The following TDRP variants were observed in gnomAD, a reference collection of about 807,000 sequenced individuals.
The protein encoded by TDRP is testis development-related protein.
Under a neutral mutation model 10.5 loss-of-function variants are expected in TDRP, and 12 were observed. That is an observed-to-expected ratio of 1.15 (90% CI 0.73 to 1.86). TDRP has a LOEUF of 1.86. Among genes scored for constraint, TDRP ranks in the 40% most tolerant of loss-of-function variants. The pLI is 0.00. For synonymous variants in TDRP, 139 were observed against 95.4 expected (o/e 1.46, Z -2.67); for missense variants, 353 against 229.2 (o/e 1.54, Z -3.49).
Position 492,480 on chromosome 8 carries a change from G to C in TDRP, c.477C>G (p.Ser159Arg). The C allele has an allele frequency of 1.9e-6, 3 of 1,608,966 alleles. No homozygotes were observed. The highest frequency in any genetic ancestry group is 2.5e-6 in the Non-Finnish European group (3 of 1,176,520). Residue 159 changes from serine (S) to arginine (R), a missense_variant, in exon 3 of 3, where the codon AGC becomes AGG. Transcript: ENST00000324079. Reference sequence around the variant, plus strand: ...TCACCAGCCTCCCTGCCGCGCGCAGGCTCCACCTGGAGCTGTTGGCAGAGC... The same window carrying C: ...TCACCAGCCTCCCTGCCGCGCGCAGCCTCCACCTGGAGCTGTTGGCAGAGC... ...LASSANSSRWSLRAAGRLVSI... is the reference protein window; with the variant it reads ...LASSANSSRWRLRAAGRLVSI...
intron 1 of TDRP, among the ~76,000 whole-genome samples, chr8:530,765 A>C (rs1022849953): frequency 1.1e-4 from 17 of 152,124 alleles, no homozygotes; most frequent in Admixed American, 4.6e-4. Flanking sequence ...CAGCGCTCTG[A>C]GTCAGGCAAA....
chr8:542,614 C>T (rs898701734), intron 1 of TDRP, among the ~76,000 whole-genome samples: 1 of 151,366 alleles, frequency 6.6e-6, no homozygotes, highest in African/African-American at 2.4e-5. Context: ...CCTGTAATCC[C>T]AGCACTTCAG....
chr8:514,697 A>G (rs1295755177), intron 1 of TDRP, among the ~76,000 whole-genome samples: 1 of 152,178 alleles, frequency 6.6e-6, no homozygotes, highest in African/African-American at 2.4e-5. Flanking sequence ...TCAGTGCCTC[A>G]GTGGGGATGC....
chr8:511,342 G>C (rs1024410925), intron 1 of TDRP, among the ~76,000 whole-genome samples: 3 of 152,106 alleles, frequency 2.0e-5, no homozygotes, highest in Admixed American at 2.0e-4. Flanking sequence ...GTAAACAAAA[G>C]AGAGTTTAAA....
chr8:531,780 A>G (rs1397258373), intron 1 of TDRP, among the ~76,000 whole-genome samples: 1 of 152,240 alleles, frequency 6.6e-6, no homozygotes. Flanking sequence ...CAAGCTTAGT[A>G]TTAACCACAG....
chr8:489,949 C>G lies in TDRP; in HGVS notation c.*2450G>C, dbSNP rs543773534. 14 of 152,276 alleles carry G rather than the reference C, an allele frequency of 9.2e-5. No homozygotes were observed. In the South Asian group the frequency reaches 2.9e-3, roughly 32 times the overall value. The allele number at this position is 152,276 out of a possible 1,614,324, so 9.4% of individuals were successfully genotyped here. ...ATCATGCAAACCAATAAGGAAAGAG[C>G]TTAAAAACAGTATTTTTATTTTTAA... On this transcript the variant is annotated 3_prime_UTR_variant, in exon 3 of 3. Transcript: ENST00000324079.
Position 492,184 on chromosome 8 carries a change from T to C in TDRP, c.*215A>G. The C allele has an allele frequency of 7.9e-7, 1 of 1,261,586 alleles. No homozygotes were observed. The highest frequency in any genetic ancestry group is 9.9e-7 in the Non-Finnish European group (1 of 1,006,492). 78.1% of individuals were successfully genotyped at this position (1,261,586 alleles called of 1,614,324 possible). ...ACATGGACTGATAGGTGAATATTTC[T>C]GCAATAAGGCAATCAAATGTACAAT... On this transcript the variant is annotated 3_prime_UTR_variant, in exon 3 of 3. Transcript: ENST00000324079.
chr8:521,020 A>T (rs990977899), intron 1 of TDRP, among the ~76,000 whole-genome samples: 2 of 152,040 alleles, frequency 1.3e-5, no homozygotes, highest in Non-Finnish European at 2.9e-5. Context: ...CAATGCCCTG[A>T]ACCTTTTCTC....
chr8:540,863 CGG>C (rs1162020930), intron 1 of TDRP, among the ~76,000 whole-genome samples: 1 of 145,756 alleles, frequency 6.9e-6, no homozygotes, highest in Non-Finnish European at 1.5e-5. Context: ...GGCAACAGGA[CGG>C]ATATGATTGC....
intron 1 of TDRP, among the ~76,000 whole-genome samples, chr8:536,588 G>A (rs1802353143): frequency 1.3e-5 from 2 of 152,180 alleles, no homozygotes; most frequent in Admixed American, 1.3e-4. Context: ...GCTGGTAAAT[G>A]TAAAATACAC....
intron 1 of TDRP, among the ~76,000 whole-genome samples, chr8:526,399 T>C (rs1563128858): frequency 1.3e-5 from 2 of 152,130 alleles, no homozygotes; most frequent in African/African-American, 4.8e-5. Flanking sequence ...TTCTATACAG[T>C]TTTTTGAGCG....
intron 1 of TDRP, among the ~76,000 whole-genome samples, chr8:519,654 C>T (rs1370650676): frequency 6.6e-6 from 1 of 152,074 alleles, no homozygotes; most frequent in African/African-American, 2.4e-5. Context: ...GGTTGGGTTG[C>T]TCACTGCTTG....
chr8:525,308 T>TA (rs34557269), intron 1 of TDRP, among the ~76,000 whole-genome samples: 5,990 of 152,274 alleles, frequency 0.039, 187 homozygotes, highest in Middle Eastern at 0.085. Context: ...CAAGAAATGT[T>TA]AAAGGGAATT....
In TDRP at chr8:491,402, A is replaced by G. The variant is rs1800968508; in HGVS notation, c.*997T>C. 2.3e-6 allele frequency: 1 copy of G among 441,062 alleles called. No individual in the cohort carries two copies. The highest frequency in any genetic ancestry group is 3.9e-6 in the Non-Finnish European group (1 of 256,276). The allele number at this position is 441,062 out of a possible 1,614,324, so 27.3% of individuals were successfully genotyped here. On this transcript the variant is annotated 3_prime_UTR_variant, in exon 3 of 3. Transcript: ENST00000324079. ...CTGGCACCTGATACTGTGCAGGATC[A>G]CATTGTCAAGGACAGTAAGCAGACA...
chr8:492,350 T>C lies in TDRP; in HGVS notation c.*49A>G, dbSNP rs1801001536. On this transcript the variant is annotated 3_prime_UTR_variant, in exon 3 of 3. Coordinates refer to ENST00000324079, the MANE Select transcript of TDRP (RefSeq NM_001384899.1). ...GAAAAGACTCAACAACTACATGGTA[T>C]ACTCATAAAAGGCCACCATGTCGGG... The C allele has an allele frequency of 6.9e-7, 1 of 1,444,296 alleles. No individual in the cohort carries two copies. The highest frequency in any genetic ancestry group is 9.1e-7 in the Non-Finnish European group (1 of 1,095,410). 89.5% of individuals were successfully genotyped at this position (1,444,296 alleles called of 1,614,324 possible).
intron 1 of TDRP, among the ~76,000 whole-genome samples, chr8:523,928 T>C (rs1801971350): frequency 6.6e-6 from 1 of 152,122 alleles, no homozygotes; most frequent in Non-Finnish European, 1.5e-5. Context: ...CTGCTGATTG[T>C]AGAGCCCTAG....
intron 1 of TDRP, among the ~76,000 whole-genome samples, chr8:508,913 G>A (rs1801537191): frequency 6.6e-6 from 1 of 152,220 alleles, no homozygotes; most frequent in African/African-American, 2.4e-5. Context: ...TACAGACATT[G>A]GGTAAATGTT....
intron 1 of TDRP, among the ~76,000 whole-genome samples, chr8:500,108 G>A (rs1009281191): frequency 2.2e-4 from 33 of 152,126 alleles, no homozygotes; most frequent in African/African-American, 7.0e-4. Context: ...GTAAAACGCT[G>A]GTAATGACCA....
intron 1 of TDRP, among the ~76,000 whole-genome samples, chr8:515,507 C>T (rs1801733366): frequency 2.0e-5 from 3 of 152,092 alleles, no homozygotes; most frequent in South Asian, 4.1e-4. Context: ...CAAAATGCTC[C>T]AATGGGCATT....
Sources: allele counts gnomAD v4.1 joint callset (sites outside exome capture counted in the v4.1 genomes callset), GRCh38; gene constraint gnomAD v4.1.1; transcripts MANE v1.5; gene names NCBI Gene and HGNC (gene_info 2026-07-23, HGNC 2026-07-21).